OSBPL1A: variants seen among roughly 807,000 people sequenced by gnomAD.
The protein encoded by OSBPL1A is oxysterol binding protein like 1A, also known as oxysterol-binding protein-related protein 1.
A neutral mutation model predicts 137.1 loss-of-function variants in OSBPL1A; 80 were observed. The ratio of observed to expected loss-of-function variants is 0.58; its 90% CI spans 0.49 to 0.70. The LOEUF (loss-of-function observed/expected upper bound fraction) is 0.70. OSBPL1A is among the 30% of genes least tolerant of loss of function. The probability of loss-of-function intolerance (pLI) is 0.00; values close to 1 mark genes in which losing one functional copy is unlikely to be tolerated. For synonymous variants in OSBPL1A, 365 were observed against 389.7 expected (o/e 0.94, Z 0.75); for missense variants, 970 against 1,129.4 (o/e 0.86, Z 2.02).
At chr18:24,360,659 C>T (rs943797476) in intron 4 of OSBPL1A, among the ~76,000 whole-genome samples, 2 of 152,112 alleles carry the variant, frequency 1.3e-5, no homozygotes, top group South Asian at 2.1e-4. Flanking sequence ...AAAAAAAAAT[C>T]GATTCTTGGA....
chr18:24,206,122 C>A (rs2087368287), intron 17 of OSBPL1A, among the ~76,000 whole-genome samples: 1 of 152,226 alleles, frequency 6.6e-6, no homozygotes, highest in Non-Finnish European at 1.5e-5. Context: ...AACTCCTGAC[C>A]TCAGATTGTC....
intron 4 of OSBPL1A, among the ~76,000 whole-genome samples, chr18:24,353,619 G>A (rs1364202690): frequency 8.1e-4 from 122 of 151,114 alleles, no homozygotes; most frequent in Non-Finnish European, 1.1e-3. Flanking sequence ...ACATGCACAT[G>A]TATGTTTATT....
At chr18:24,387,819 C>A (rs1252611213) in intron 1 of OSBPL1A, among the ~76,000 whole-genome samples, 1 of 151,584 alleles carries the variant, frequency 6.6e-6, no homozygotes, top group African/African-American at 2.4e-5. Context: ...TATCTGAAAC[C>A]TTAACCCTTA....
At chr18:24,198,833 G>A (rs929117437) in intron 17 of OSBPL1A, among the ~76,000 whole-genome samples, 1 of 150,990 alleles carries the variant, frequency 6.6e-6, no homozygotes, top group African/African-American at 2.4e-5. Flanking sequence ...AGGCTCAGGT[G>A]TCACTGTTGT....
rs1293835635 is a variant in OSBPL1A, at chr18:24,396,092, G to A, written c.-3+1563C>T. On this transcript the variant is annotated intron_variant, in intron 1 of 27. Coordinates refer to ENST00000319481, the MANE Select transcript of OSBPL1A (RefSeq NM_080597.4). The stretch of plus-strand genomic sequence containing the variant: ...AAATTAGCCGGGCATGGTGGCATGT[G>A]CTTGTAATCCCAGCTACTTGGGAGG... 5.3e-5 allele frequency among the ~76,000 whole-genome samples: 8 copies of A among 151,806 alleles called. No individual in the cohort carries two copies. The East Asian group carries it at 1.6e-3, about 30-fold the overall frequency.
At chr18:24,364,666 A>G (rs571613758) in intron 4 of OSBPL1A, 1 of 151,858 alleles carries the variant, frequency 6.6e-6, no homozygotes, top group East Asian at 1.9e-4. Context: ...CTCAGTCCAG[A>G]TTCCACAGAT....
At chr18:24,242,288 T>A (rs2088723492) in intron 15 of OSBPL1A, among the ~76,000 whole-genome samples, 1 of 76,488 alleles carries the variant, frequency 1.3e-5, no homozygotes. Context: ...ACTTTAAGTA[T>A]AATTAAAACA....
intron 18 of OSBPL1A, among the ~76,000 whole-genome samples, chr18:24,183,027 CCTGGATAATTT>C (rs1051608479): frequency 1.1e-4 from 16 of 151,898 alleles, no homozygotes; most frequent in African/African-American, 3.6e-4. Context: ...CACCACCAGA[CCTGGATAATTT>C]TTGTATTTTT....
At chr18:24,184,698 C>T (rs530445443) in intron 18 of OSBPL1A, among the ~76,000 whole-genome samples, 63 of 152,296 alleles carry the variant, frequency 4.1e-4, no homozygotes, top group Admixed American at 2.9e-3. Context: ...CGGACACTAT[C>T]TTATACCCCA....
chr18:24,251,734 A>T (rs1207344629), intron 15 of OSBPL1A, among the ~76,000 whole-genome samples: 1 of 152,238 alleles, frequency 6.6e-6, no homozygotes, highest in African/African-American at 2.4e-5. Flanking sequence ...TAAATAAGGC[A>T]GCAGGGGCCG....
intron 17 of OSBPL1A, among the ~76,000 whole-genome samples, chr18:24,203,316 T>C (rs2087272277): frequency 6.6e-6 from 1 of 152,080 alleles, no homozygotes; most frequent in African/African-American, 2.4e-5. Context: ...GATCTACAGA[T>C]AAAGGACAAG....
intron 13 of OSBPL1A, among the ~76,000 whole-genome samples, chr18:24,306,029 G>C (rs1474332570): frequency 2.6e-5 from 4 of 152,118 alleles, no homozygotes; most frequent in African/African-American, 9.7e-5. Context: ...AACTAATACA[G>C]GGACTCTTTT....
Position 24,311,960 on chromosome 18 carries a change from G to T in OSBPL1A, c.1092+24C>A, listed in dbSNP as rs776607030. On this transcript the variant is annotated intron_variant, in intron 13 of 27. Coordinates refer to ENST00000319481, the MANE Select transcript of OSBPL1A (RefSeq NM_080597.4). ...CCTCATGACATAGATAGCTATAAAG[G>T]TCAGGTTACATTTTCCTATTTACCT... 3.1e-6 allele frequency: 5 copies of T among 1,613,086 alleles called. No individual in the cohort carries two copies. The East Asian group carries it at 6.7e-5, about 22-fold the overall frequency.
chr18:24,240,779 G>T (rs921963315), intron 15 of OSBPL1A, among the ~76,000 whole-genome samples: 9 of 152,186 alleles, frequency 5.9e-5, no homozygotes, highest in African/African-American at 2.2e-4. Flanking sequence ...AGATGTTTTC[G>T]AAAGCAGTTG....
At chr18:24,192,816 C>T (rs2145939949) in intron 18 of OSBPL1A, among the ~76,000 whole-genome samples, 1 of 152,238 alleles carries the variant, frequency 6.6e-6, no homozygotes, top group Non-Finnish European at 1.5e-5. Flanking sequence ...AGAAAAGCCA[C>T]ATATTTTGAA....
chr18:24,302,966 T>C (rs2090430800), intron 14 of OSBPL1A, among the ~76,000 whole-genome samples: 1 of 145,684 alleles, frequency 6.9e-6, no homozygotes, highest in Non-Finnish European at 1.5e-5. Context: ...GATTCAAGCC[T>C]AAGACATTCT....
chr18:24,385,017 C>G (rs1187799171), intron 1 of OSBPL1A, among the ~76,000 whole-genome samples: 1 of 149,454 alleles, frequency 6.7e-6, no homozygotes, highest in Admixed American at 6.7e-5. Context: ...TGCAGTGGCA[C>G]AATCTCGACT....
chr18:24,270,179 G>T (rs1016113839), intron 15 of OSBPL1A, among the ~76,000 whole-genome samples: 2 of 152,168 alleles, frequency 1.3e-5, no homozygotes, highest in African/African-American at 2.4e-5. Context: ...TTGAATGCCA[G>T]AAGTAGTAAG....
intron 15 of OSBPL1A, among the ~76,000 whole-genome samples, chr18:24,277,449 C>T (rs1032311348): frequency 6.6e-6 from 1 of 152,306 alleles, no homozygotes. Flanking sequence ...ATCCCTGTTT[C>T]GTGCCAGTCC....
Sources: allele counts gnomAD v4.1 joint callset (sites outside exome capture counted in the v4.1 genomes callset), GRCh38; gene constraint gnomAD v4.1.1; transcripts MANE v1.5; gene names NCBI Gene and HGNC (gene_info 2026-07-23, HGNC 2026-07-21).